The following GIGYF2 variants were observed in gnomAD, a reference collection of about 807,000 sequenced individuals.
The protein encoded by GIGYF2 is GRB10 interacting GYF protein 2.
In GIGYF2, 25 loss-of-function variants were observed where a neutral mutation model predicts 208.1. The ratio of observed to expected loss-of-function variants is 0.12; its 90% CI spans 0.09 to 0.17. GIGYF2 has a LOEUF of 0.17. Among genes scored for constraint, GIGYF2 ranks in the 10% least tolerant of loss-of-function variants. The pLI, the probability that GIGYF2 is intolerant of heterozygous loss-of-function variation, is 1.00. For synonymous variants in GIGYF2, 534 were observed against 543.8 expected (o/e 0.98, Z 0.25); for missense variants, 1,302 against 1,579.4 (o/e 0.82, Z 2.98).
chr2:232,723,727 CTTTTTTT>C (rs142680480), intron 2 of GIGYF2, among the ~76,000 whole-genome samples: 2 of 65,478 alleles, frequency 3.1e-5, no homozygotes. Context: ...TGTGCCCGGC[CTTTTTTT>C]TTTTTTTTTT....
At chr2:232,732,624 T>A (rs1007923597) in intron 2 of GIGYF2, among the ~76,000 whole-genome samples, 2 of 151,482 alleles carry the variant, frequency 1.3e-5, no homozygotes, top group Non-Finnish European at 2.9e-5. Context: ...TTTTCTTTTT[T>A]ATTTTAATTT....
chr2:232,852,007 G>A (rs113372493), intron 28 of GIGYF2, among the ~76,000 whole-genome samples: 1 of 152,210 alleles, frequency 6.6e-6, no homozygotes, highest in Non-Finnish European at 1.5e-5. Flanking sequence ...TGGATGGATG[G>A]TGTTGCCATT....
At chr2:232,714,281 T>A (rs1275501504) in intron 2 of GIGYF2, among the ~76,000 whole-genome samples, 1 of 152,196 alleles carries the variant, frequency 6.6e-6, no homozygotes, top group Non-Finnish European at 1.5e-5. Flanking sequence ...TTGGTTAATC[T>A]TAATTTAACT....
At chr2:232,807,197 A>C (rs1292387211) in intron 15 of GIGYF2, among the ~76,000 whole-genome samples, 1 of 152,132 alleles carries the variant, frequency 6.6e-6, no homozygotes, top group African/African-American at 2.4e-5. Flanking sequence ...TTAGGGCTTA[A>C]AAAAATTAGT....
chr2:232,729,956 AGGAC>A, intron 2 of GIGYF2: 1 of 724,066 alleles, frequency 1.4e-6, no homozygotes, highest in East Asian at 2.5e-5. Context: ...CCATATCCAC[AGGAC>A]CATACTTGAC....
chr2:232,758,067 C>T (rs1339979771), intron 6 of GIGYF2, among the ~76,000 whole-genome samples: 3 of 152,108 alleles, frequency 2.0e-5, no homozygotes, highest in Admixed American at 1.3e-4. Flanking sequence ...CTCAACCACC[C>T]GTGATTCTTC....
At chr2:232,832,555 G>T (rs940767542) in intron 21 of GIGYF2, among the ~76,000 whole-genome samples, 1 of 152,244 alleles carries the variant, frequency 6.6e-6, no homozygotes, top group African/African-American at 2.4e-5. Flanking sequence ...TGTTGGAGCA[G>T]TGTTTCCAGG....
chr2:232,828,332 A>G (rs55686138), intron 21 of GIGYF2, among the ~76,000 whole-genome samples: 14,451 of 151,638 alleles, frequency 0.095, 954 homozygotes, highest in African/African-American at 0.17. Context: ...TAGTCAGAGA[A>G]CACAATCTGT....
At chr2:232,708,702 C>T (rs891431513) in intron 2 of GIGYF2, among the ~76,000 whole-genome samples, 2 of 145,486 alleles carry the variant, frequency 1.4e-5, no homozygotes, top group Non-Finnish European at 3.0e-5. Flanking sequence ...AGTAGCTGGG[C>T]ATGGTGGCAT....
chr2:232,718,422 G>A (rs1029307391), intron 2 of GIGYF2, among the ~76,000 whole-genome samples: 3 of 152,122 alleles, frequency 2.0e-5, no homozygotes, highest in Non-Finnish European at 1.5e-5. Flanking sequence ...AAACTGCTGA[G>A]TAATATTTCA....
intron 2 of GIGYF2, among the ~76,000 whole-genome samples, chr2:232,713,220 C>T (rs1696513278): frequency 6.6e-6 from 1 of 151,944 alleles, no homozygotes; most frequent in Non-Finnish European, 1.5e-5. Context: ...GGATTACAAG[C>T]ACCCGCCATC....
chr2:232,856,011 A>T (rs1466604863), intron 28 of GIGYF2, among the ~76,000 whole-genome samples: 1 of 151,970 alleles, frequency 6.6e-6, no homozygotes, highest in Non-Finnish European at 1.5e-5. Flanking sequence ...GCTCACTGCA[A>T]GCTCCTTCGA....
rs560786387 is a variant in GIGYF2 at position 232,773,441 on chromosome 2, T to A, written c.532+12005T>A. Among the ~76,000 whole-genome samples, 311 of 152,242 alleles carry A rather than the reference T, an allele frequency of 2.0e-3. 1 individual carries two copies. The highest frequency in any genetic ancestry group is 7.1e-3 in the African/African-American group (296 of 41,556). ...AGCTTTGGATTATTTGGATGGTTAT[T>A]CAAGTCTAGCTAACTTCAAAGCCAG... On this transcript the variant is annotated intron_variant, in intron 8 of 28. Transcript: ENST00000373563.
intron 1 of GIGYF2, among the ~76,000 whole-genome samples, chr2:232,697,758 G>A (rs1187063976): frequency 1.3e-5 from 2 of 152,236 alleles, no homozygotes; most frequent in Admixed American, 6.5e-5. Context: ...GCTCGGAGCT[G>A]GAGGGCTCGC....
At chr2:232,748,869 C>G (rs1698243195) in intron 4 of GIGYF2, 118 bp from the exon 5 acceptor site, 1 of 718,762 alleles carries the variant, frequency 1.4e-6, no homozygotes, top group Admixed American at 1.8e-5. Flanking sequence ...AAGCATTAAT[C>G]TGTATTTATA....
At chr2:232,741,148 T>C (rs1697953903) in intron 3 of GIGYF2, among the ~76,000 whole-genome samples, 2 of 152,242 alleles carry the variant, frequency 1.3e-5, no homozygotes, top group Non-Finnish European at 1.5e-5. Context: ...TCTCATACTC[T>C]ATACTTTTCC....
rs535385534 is a variant in GIGYF2 at position 232,860,540 on chromosome 2, A to G, written c.*3680A>G. ...TTGGTAATTTTGTATAAAATGCCCAACTGTGCATTATTAATAAAAGTATGT... is the reference window on the plus strand; with the variant it reads ...TTGGTAATTTTGTATAAAATGCCCAGCTGTGCATTATTAATAAAAGTATGT... On this transcript the variant is annotated 3_prime_UTR_variant, in exon 29 of 29. Coordinates refer to ENST00000373563, the MANE Select transcript of GIGYF2 (RefSeq NM_001103146.3). 8 of 152,160 alleles carry G rather than the reference A, an allele frequency of 5.3e-5. No individual in the cohort carries two copies. In the East Asian group the frequency reaches 7.7e-4, roughly 15 times the overall value. The allele number at this position is 152,160 out of a possible 1,614,324, so 9.4% of individuals were successfully genotyped here.
chr2:232,777,182 A>T (rs892833961), intron 8 of GIGYF2, among the ~76,000 whole-genome samples: 1 of 152,132 alleles, frequency 6.6e-6, no homozygotes, highest in Non-Finnish European at 1.5e-5. Flanking sequence ...TGTACCTGAT[A>T]CTTTAAAAAA....
chr2:232,776,597 T>G (rs1262723061), intron 8 of GIGYF2: 1 of 694,122 alleles, frequency 1.4e-6, no homozygotes, highest in Non-Finnish European at 2.6e-6. Flanking sequence ...CTGTTTATAA[T>G]GTTGTGGGGG....
Sources: allele counts gnomAD v4.1 joint callset (sites outside exome capture counted in the v4.1 genomes callset), GRCh38; gene constraint gnomAD v4.1.1; transcripts MANE v1.5; gene names NCBI Gene and HGNC (gene_info 2026-07-23, HGNC 2026-07-21).